SIPA1L2: variants seen among roughly 807,000 people sequenced by gnomAD.
SIPA1L2 encodes signal-induced proliferation-associated 1-like protein 2.
Under a neutral mutation model 163.9 loss-of-function variants are expected in SIPA1L2, and 56 were observed. That is an observed-to-expected ratio of 0.34 (90% confidence interval 0.28 to 0.43). The LOEUF (loss-of-function observed/expected upper bound fraction) is 0.43. Ranked by LOEUF, SIPA1L2 falls within the 20% of genes least tolerant of loss-of-function variation. The pLI, the probability that SIPA1L2 is intolerant of heterozygous loss-of-function variation, is 1.00. For synonymous variants in SIPA1L2, 877 were observed against 865.7 expected (o/e 1.01, Z -0.23); for missense variants, 1,974 against 2,193.5 (o/e 0.90, Z 2.00).
chr1:232,430,232 G>A (rs1662148987), intron 16 of SIPA1L2, among the ~76,000 whole-genome samples: 1 of 152,236 alleles, frequency 6.6e-6, no homozygotes, highest in South Asian at 2.1e-4. Context: ...AGGAAGTACT[G>A]AGCTAGCGGG....
In SIPA1L2 at chr1:232,474,178, G is replaced by A. The variant is rs571114608; in HGVS notation, c.2086-2650C>T. ...TTGTAGGAATGACATCTTCTGGGGC[G>A]AACTTCTTTCTAGGTATGTAAAGCT... is the stretch of plus-strand genomic sequence containing the variant. On this transcript the variant is annotated intron_variant, in intron 7 of 22. Coordinates refer to ENST00000674635, the MANE Select transcript of SIPA1L2 (RefSeq NM_020808.5). Among the ~76,000 whole-genome samples the A allele has an allele frequency of 1.4e-4, 22 of 152,286 alleles. No homozygotes were observed. The East Asian group carries it at 3.9e-3, about 27-fold the overall frequency.
chr1:232,486,875 T>C (rs2102985714), intron 5 of SIPA1L2, among the ~76,000 whole-genome samples: 1 of 152,326 alleles, frequency 6.6e-6, no homozygotes, highest in South Asian at 2.1e-4. Flanking sequence ...TCCATCATAA[T>C]ATAAAGTAAA....
intron 2 of SIPA1L2, among the ~76,000 whole-genome samples, chr1:232,520,542 T>A (rs1667417529): frequency 6.6e-6 from 1 of 152,170 alleles, no homozygotes. Flanking sequence ...AATATTAGAG[T>A]TCTAATTGAG....
At chr1:232,501,079 A>G (rs1474546254) in intron 3 of SIPA1L2, among the ~76,000 whole-genome samples, 1 of 19,484 alleles carries the variant, frequency 5.1e-5, no homozygotes, top group Non-Finnish European at 1.2e-4. Flanking sequence ...TTTTTGTGAG[A>G]CAGAGTCTCG....
chr1:232,417,415 C>A (rs1410532793), intron 18 of SIPA1L2, among the ~76,000 whole-genome samples: 1 of 152,114 alleles, frequency 6.6e-6, no homozygotes, highest in Non-Finnish European at 1.5e-5. Context: ...TCTCCACATG[C>A]TCTTCTTTGA....
At position 232,514,313 on chromosome 1, in the gene SIPA1L2, C is replaced by T. The variant is rs1258197203; in HGVS notation, c.1027G>A (p.Glu343Lys). ...ACATTAGCCCTCGTAGCCATGGCTT[C>T]GTTGATATTAAACAAAATGCTCTGG... ...DVQSILFNIN[E>K]AMATRANVGK... The change falls in exon 3 of 23, where the codon GAA (glutamate) becomes AAA (lysine). Residue 343 changes from glutamate to lysine, a missense_variant. By Grantham distance (56) the Glu-to-Lys change is moderately conservative. Coordinates refer to ENST00000674635, the MANE Select transcript of SIPA1L2 (RefSeq NM_020808.5). 2.5e-6 allele frequency: 4 copies of T among 1,613,332 alleles called. No homozygotes were observed. The highest frequency in any genetic ancestry group is 2.5e-6 in the Non-Finnish European group (3 of 1,180,030).
rs1370967625 is a variant in SIPA1L2, at chr1:232,461,000, G to T, written c.2982C>A (p.Ile994=). 1 of 1,614,276 alleles carries T rather than the reference G, an allele frequency of 6.2e-7. No homozygotes were observed. The highest frequency in any genetic ancestry group is 2.2e-5 in the East Asian group (1 of 44,882). ...GLRQGSRLVE[I]CKVAVATLTH... ...TCAGAGTGGCCACGGCTACTTTGCA[G>T]ATCTCCACGAGGCGGCTCCCTTGGC... Residue 994 remains isoleucine (I), a synonymous_variant, in exon 10 of 23, where the codon ATC becomes ATA. Coordinates refer to ENST00000674635, the MANE Select transcript of SIPA1L2 (RefSeq NM_020808.5).
chr1:232,506,009 T>C (rs1425642658), intron 3 of SIPA1L2, among the ~76,000 whole-genome samples: 3 of 152,134 alleles, frequency 2.0e-5, no homozygotes, highest in Non-Finnish European at 4.4e-5. Flanking sequence ...AGCAGTGAAG[T>C]TCATTTGATA....
chr1:232,442,244 A>C (rs990831234), intron 12 of SIPA1L2, among the ~76,000 whole-genome samples: 4 of 148,968 alleles, frequency 2.7e-5, no homozygotes, highest in African/African-American at 1.0e-4. Flanking sequence ...TTTATATTAA[A>C]TTTTTCTTAA....
In SIPA1L2 at chr1:232,403,498, C is replaced by T. The variant is rs1280262993; in HGVS notation, c.4890G>A (p.Leu1630=). The T allele has an allele frequency of 1.9e-6, 3 of 1,614,138 alleles. No homozygotes were observed. In the East Asian group the frequency reaches 6.7e-5, roughly 36 times the overall value. ...HGQDLEGAQE[L]PLCVDPGSGK... is the part of the protein sequence containing the mutation. Reference sequence around the variant, plus strand: ...CACTGCCTGGATCTACACATAAGGGCAGCTCTTGGGCCCCTTCCAGGTCCT... The same window carrying T: ...CACTGCCTGGATCTACACATAAGGGTAGCTCTTGGGCCCCTTCCAGGTCCT... The change falls in exon 21 of 23, where the codon CTG becomes CTA. Residue 1630 remains leucine (L), a synonymous_variant. Transcript: ENST00000674635.
At chr1:232,510,429 G>T (rs1190792484) in intron 3 of SIPA1L2, among the ~76,000 whole-genome samples, 1 of 152,166 alleles carries the variant, frequency 6.6e-6, no homozygotes, top group African/African-American at 2.4e-5. Flanking sequence ...ACCAGAGAGT[G>T]TGCCCAACAG....
At chr1:232,536,425 G>A (rs1203599126) in intron 2 of SIPA1L2, among the ~76,000 whole-genome samples, 1 of 152,106 alleles carries the variant, frequency 6.6e-6, no homozygotes, top group Non-Finnish European at 1.5e-5. Context: ...AGCCGTAAGG[G>A]TCCCAACCAA....
intron 1 of SIPA1L2, among the ~76,000 whole-genome samples, chr1:232,602,832 G>A (rs920303801): frequency 1.3e-5 from 2 of 152,206 alleles, no homozygotes; most frequent in African/African-American, 2.4e-5. Context: ...GCTACATGGG[G>A]CCGTTGAGCA....
chr1:232,551,611 C>T (rs539829149), intron 2 of SIPA1L2, among the ~76,000 whole-genome samples: 2 of 152,348 alleles, frequency 1.3e-5, no homozygotes, highest in African/African-American at 4.8e-5. Context: ...AGAAGAAGGC[C>T]TGGAAAGACC....
rs997616079 is a variant in SIPA1L2, at chr1:232,413,110, C to G, written c.4762+2384G>C. Among the ~76,000 whole-genome samples, 6 of 152,332 alleles carry G rather than the reference C, an allele frequency of 3.9e-5. No homozygotes were observed. In the East Asian group the frequency reaches 1.2e-3, roughly 29 times the overall value. On this transcript the variant is annotated intron_variant, in intron 19 of 22. Coordinates refer to ENST00000674635, the MANE Select transcript of SIPA1L2 (RefSeq NM_020808.5). ...ACTTGTTGATAATGAAACCACAGAA[C>G]TAGAGGTTTAGGACTAGATGAAGCT...
At chr1:232,402,643 C>T in intron 21 of SIPA1L2, 170 bp from the exon 22 acceptor site, 1 of 503,522 alleles carries the variant, frequency 2.0e-6, no homozygotes, top group Non-Finnish European at 3.5e-6. Context: ...GTGGAAAGCC[C>T]ATTCTGGGAC....
chr1:232,579,344 C>T (rs946547282), intron 1 of SIPA1L2, among the ~76,000 whole-genome samples: 1 of 152,176 alleles, frequency 6.6e-6, no homozygotes, highest in African/African-American at 2.4e-5. Context: ...CAGCCCCACA[C>T]CACCACACCT....
chr1:232,577,192 TA>T (rs1409797043), intron 1 of SIPA1L2, among the ~76,000 whole-genome samples: 1 of 152,228 alleles, frequency 6.6e-6, no homozygotes, highest in Non-Finnish European at 1.5e-5. Context: ...AGAATTATGC[TA>T]AATCTACTCT....
intron 2 of SIPA1L2, among the ~76,000 whole-genome samples, chr1:232,563,381 T>A (rs1279238070): frequency 6.6e-6 from 1 of 152,084 alleles, no homozygotes; most frequent in African/African-American, 2.4e-5. Context: ...TACACAAGAA[T>A]ATGAGAGGAA....
Sources: gnomAD v4.1 joint callset for allele counts (sites outside exome capture counted in the v4.1 genomes callset) on GRCh38, gnomAD v4.1.1 for gene constraint, MANE v1.5 for transcripts, NCBI Gene and HGNC (gene_info 2026-07-23, HGNC 2026-07-21) for gene names.